PUM1: variants seen among roughly 807,000 people sequenced by gnomAD.
The protein encoded by PUM1 is pumilio homolog 1.
PUM1 carries 13 observed loss-of-function variants against 131.8 expected under a neutral mutation model. That is an observed-to-expected ratio of 0.10 (90% confidence interval 0.06 to 0.16). The LOEUF (loss-of-function observed/expected upper bound fraction) is 0.16, where lower values mean the gene tolerates loss of function less well. PUM1 is among the 10% of genes least tolerant of loss of function. The probability of loss-of-function intolerance (pLI) is 1.00; values close to 1 mark genes in which losing one functional copy is unlikely to be tolerated. For synonymous variants in PUM1, 509 were observed against 556.5 expected (o/e 0.91, Z 1.20); for missense variants, 961 against 1,512.4 (o/e 0.64, Z 6.05).
chr1:31,048,831 T>A (rs1433566947), intron 2 of PUM1, among the ~76,000 whole-genome samples: 1 of 152,158 alleles, frequency 6.6e-6, no homozygotes, highest in East Asian at 1.9e-4. Context: ...TTTACTCCAA[T>A]TTATTTTCCT....
intron 7 of PUM1, among the ~76,000 whole-genome samples, chr1:30,990,209 T>C (rs1233964709): frequency 1.3e-5 from 2 of 152,226 alleles, no homozygotes; most frequent in African/African-American, 4.8e-5. Flanking sequence ...GAAAGTCCCC[T>C]GAAACCTTGT....
chr1:30,972,783 CAAAA>C (rs1217852827), intron 10 of PUM1, among the ~76,000 whole-genome samples: 2 of 146,306 alleles, frequency 1.4e-5, no homozygotes, highest in African/African-American at 5.1e-5. Flanking sequence ...AAAAAACAAA[CAAAA>C]AAAGAAATTT....
chr1:30,998,197 A>G (rs1341640862), intron 5 of PUM1, among the ~76,000 whole-genome samples: 1 of 152,240 alleles, frequency 6.6e-6, no homozygotes, highest in African/African-American at 2.4e-5. Context: ...AACATAGGTC[A>G]TATTTCAATA....
At chr1:30,967,927 C>T (rs759115635) in intron 11 of PUM1, among the ~76,000 whole-genome samples, 2 of 151,952 alleles carry the variant, frequency 1.3e-5, no homozygotes, top group Admixed American at 1.3e-4. Context: ...TAAAAAGGAC[C>T]CCTACTATTG....
At chr1:30,935,302 C>A (rs1639155878) in intron 21 of PUM1, among the ~76,000 whole-genome samples, 1 of 152,204 alleles carries the variant, frequency 6.6e-6, no homozygotes, top group Non-Finnish European at 1.5e-5. Flanking sequence ...TGGAAAGGGT[C>A]ATCACTCTAT....
rs577505300 is a variant in PUM1 at position 31,055,056 on chromosome 1, C to T, written c.363+4148G>A. 1.8e-4 allele frequency among the ~76,000 whole-genome samples: 27 copies of T among 152,294 alleles called. 1 individual carries two copies. Among genetic ancestry groups the T allele is most frequent in the African/African-American group, 6.5e-4 (27 of 41,544 alleles). On this transcript the variant is annotated intron_variant, in intron 2 of 21. Transcript: ENST00000426105. ...TATAGGAAATACAATAGCCCAATGCCTAGAACATATAAATATTTCCGTTAT... is the reference window on the plus strand; with the variant it reads ...TATAGGAAATACAATAGCCCAATGCTTAGAACATATAAATATTTCCGTTAT...
In PUM1 at chr1:31,007,229, T is replaced by C. The variant is rs551767636; in HGVS notation, c.433-127A>G. Reference sequence around the variant, plus strand: ...GCCCTGAAGGTCTTTAATTAAAGTGTTCCAACTACACAACTGTGGTCAGAA... The same window carrying C: ...GCCCTGAAGGTCTTTAATTAAAGTGCTCCAACTACACAACTGTGGTCAGAA... On this transcript the variant is annotated intron_variant, in intron 3 of 21. Coordinates refer to ENST00000426105, the MANE Select transcript of PUM1 (RefSeq NM_001020658.2). 2.8e-5 allele frequency: 19 copies of C among 685,716 alleles called. No homozygotes were observed. The South Asian group carries it at 3.1e-4, about 11-fold the overall frequency. 42.5% of individuals were successfully genotyped at this position (685,716 alleles called of 1,614,324 possible).
chr1:30,958,820 A>G (rs1206516187), intron 14 of PUM1, among the ~76,000 whole-genome samples: 1 of 152,210 alleles, frequency 6.6e-6, no homozygotes, highest in Non-Finnish European at 1.5e-5. Flanking sequence ...TATGATTAAT[A>G]ATACTGTTAA....
chr1:30,952,406 G>C, intron 15 of PUM1, 43 bp from the exon 16 acceptor site: 1 of 1,612,700 alleles, frequency 6.2e-7, no homozygotes, highest in East Asian at 2.2e-5. Flanking sequence ...ACTGAAGGAA[G>C]ACCTGGAGAT....
At chr1:31,001,359 AAG>A (rs1476560705) in intron 5 of PUM1, among the ~76,000 whole-genome samples, 6 of 147,364 alleles carry the variant, frequency 4.1e-5, no homozygotes, top group African/African-American at 1.6e-4. Context: ...AAGAGACAGA[AAG>A]AGATTGTCTC....
intron 17 of PUM1, chr1:30,949,034 T>C (rs1483346506): frequency 4.3e-6 from 2 of 459,932 alleles, no homozygotes; most frequent in African/African-American, 4.0e-5. Context: ...ACTTTGGACT[T>C]CTTCAGCCTT....
At chr1:30,949,214 C>G in intron 17 of PUM1, 1 of 413,884 alleles carries the variant, frequency 2.4e-6, no homozygotes, top group South Asian at 1.7e-5. Flanking sequence ...AATGGCCAAC[C>G]AACCCCTCAA....
Position 31,065,664 on chromosome 1 carries a change from C to T in PUM1, c.-60G>A. ...GGATTTCAGCCCCCCGATCTTCTCT[C>T]TCTGGCGCTCTCGCTCCCCCTTACC... On this transcript the variant is annotated 5_prime_UTR_variant, in exon 1 of 22. Transcript: ENST00000426105. 3 of 1,549,948 alleles carry T rather than the reference C, an allele frequency of 1.9e-6. No individual in the cohort carries two copies. The highest frequency in any genetic ancestry group is 2.6e-6 in the Non-Finnish European group (3 of 1,146,866).
chr1:31,054,973 T>A (rs1644204588), intron 2 of PUM1, among the ~76,000 whole-genome samples: 1 of 152,144 alleles, frequency 6.6e-6, no homozygotes. Flanking sequence ...AAGCCTCAGT[T>A]TCTCACTTTT....
chr1:30,965,667 C>G lies in PUM1; in HGVS notation c.2086+315G>C, dbSNP rs372764740. On this transcript the variant is annotated intron_variant, in intron 13 of 21. Coordinates refer to ENST00000426105, the MANE Select transcript of PUM1 (RefSeq NM_001020658.2). ...TCAGCTCTGCTATCTTTAGTAAGTC[C>G]TCCTCCCTCAGTTTTTGATATCAAT... is the stretch of plus-strand genomic sequence containing the variant. 7.6e-4 allele frequency among the ~76,000 whole-genome samples: 116 copies of G among 152,314 alleles called. 1 individual carries two copies. The highest frequency in any genetic ancestry group is 2.6e-3 in the African/African-American group (110 of 41,564).
At chr1:31,006,761 T>C (rs1642412906) in intron 4 of PUM1, among the ~76,000 whole-genome samples, 1 of 152,220 alleles carries the variant, frequency 6.6e-6, no homozygotes, top group African/African-American at 2.4e-5. Flanking sequence ...TCGTTTCAAA[T>C]AAGACCATTC....
At chr1:31,050,373 TACTCAGGA>T (rs976411037) in intron 2 of PUM1, among the ~76,000 whole-genome samples, 1 of 152,084 alleles carries the variant, frequency 6.6e-6, no homozygotes, top group African/African-American at 2.4e-5. Context: ...TAATCCCAGC[TACTCAGGA>T]GGCTGAGGCA....
intron 12 of PUM1, 178 bp downstream of exon 12, chr1:30,966,989 C>CA: frequency 1.4e-6 from 1 of 723,684 alleles, no homozygotes; most frequent in Non-Finnish European, 2.1e-6. Flanking sequence ...ACCAACCCCC[C>CA]AACAAAAAGG....
chr1:31,020,833 C>A (rs548779068), intron 3 of PUM1, among the ~76,000 whole-genome samples: 10 of 152,184 alleles, frequency 6.6e-5, no homozygotes, highest in Non-Finnish European at 1.5e-4. Context: ...ACATGCTTCA[C>A]CTCAATGAGA....
Sources: gnomAD v4.1 joint callset for allele counts (sites outside exome capture counted in the v4.1 genomes callset) on GRCh38, gnomAD v4.1.1 for gene constraint, MANE v1.5 for transcripts, NCBI Gene and HGNC (gene_info 2026-07-23, HGNC 2026-07-21) for gene names.